TTC28: variants seen among roughly 807,000 people sequenced by gnomAD.
The protein encoded by TTC28 is tetratricopeptide repeat domain 28, also known as tetratricopeptide repeat protein 28.
In TTC28, 61 loss-of-function variants were observed where a neutral mutation model predicts 198.0. That is an observed-to-expected ratio of 0.31 (90% confidence interval 0.25 to 0.38). The LOEUF is 0.38. Among genes scored for constraint, TTC28 ranks in the 10% least tolerant of loss-of-function variants. The pLI, the probability that TTC28 is intolerant of heterozygous loss-of-function variation, is 1.00. For synonymous variants in TTC28, 1,171 were observed against 1,297.8 expected (o/e 0.90, Z 2.10); for missense variants, 2,678 against 3,164.0 (o/e 0.85, Z 3.69).
intron 1 of TTC28, among the ~76,000 whole-genome samples, chr22:28,659,974 T>C (rs891077885): frequency 1.3e-5 from 2 of 151,726 alleles, no homozygotes; most frequent in Admixed American, 6.6e-5. Flanking sequence ...AATTTTTGTA[T>C]TTTGGAGATG....
intron 2 of TTC28, among the ~76,000 whole-genome samples, chr22:28,347,425 G>T (rs746612610): frequency 1.3e-5 from 2 of 152,152 alleles, no homozygotes; most frequent in Non-Finnish European, 2.9e-5. Flanking sequence ...TTTGTTGATA[G>T]ATTTTCATCA....
intron 12 of TTC28, among the ~76,000 whole-genome samples, chr22:28,058,930 G>T (rs1280059285): frequency 9.9e-5 from 15 of 151,930 alleles, no homozygotes; most frequent in Admixed American, 9.8e-4. Context: ...ATGTCCATAA[G>T]ATCTGAAGCA....
intron 5 of TTC28, among the ~76,000 whole-genome samples, chr22:28,289,870 A>G (rs1359445576): frequency 2.0e-5 from 3 of 152,130 alleles, no homozygotes; most frequent in Admixed American, 2.0e-4. Flanking sequence ...TACTAAAAAT[A>G]AAAATTAGCT....
chr22:28,524,625 A>G (rs76772994), intron 2 of TTC28, among the ~76,000 whole-genome samples: 2,948 of 152,288 alleles, frequency 0.019, 29 homozygotes, highest in Non-Finnish European at 0.026. Context: ...AAAATACAAA[A>G]AAAGTATTTA....
At chr22:28,327,881 T>A (rs1301594032) in intron 2 of TTC28, among the ~76,000 whole-genome samples, 2 of 152,190 alleles carry the variant, frequency 1.3e-5, no homozygotes, top group Non-Finnish European at 2.9e-5. Context: ...TTACCAACAC[T>A]CTTCCAGGTG....
At position 28,085,441 on chromosome 22, in the gene TTC28, C is replaced by T. The variant is rs868657416; in HGVS notation, c.3932+8639G>A. On this transcript the variant is annotated intron_variant, in intron 12 of 22. Coordinates refer to ENST00000397906, the MANE Select transcript of TTC28 (RefSeq NM_001145418.2). ...TCATAAGTGAAGGAGAAATAAAATC[C>T]TTTACAGACAAGCAAATGCTGACAG... Among the ~76,000 whole-genome samples, 3 of 152,196 alleles carry T rather than the reference C, an allele frequency of 2.0e-5. No homozygotes were observed. The Middle Eastern group carries it at 0.01, about 518-fold the overall frequency.
At chr22:28,070,101 T>C (rs1940911425) in intron 12 of TTC28, among the ~76,000 whole-genome samples, 1 of 152,166 alleles carries the variant, frequency 6.6e-6, no homozygotes, top group Non-Finnish European at 1.5e-5. Context: ...ACGTCTAAGC[T>C]TCAGCTTTAA....
intron 2 of TTC28, among the ~76,000 whole-genome samples, chr22:28,315,569 A>G (rs2045338380): frequency 6.6e-6 from 1 of 152,164 alleles, no homozygotes; most frequent in African/African-American, 2.4e-5. Flanking sequence ...AAGGTGCAAA[A>G]CAGTGTTTTA....
chr22:28,151,938 T>C (rs1015082861), intron 6 of TTC28, among the ~76,000 whole-genome samples: 11 of 152,220 alleles, frequency 7.2e-5, no homozygotes, highest in African/African-American at 2.7e-4. Flanking sequence ...ACAGTTTGTG[T>C]AGTCTTGTCT....
chr22:28,384,779 T>A (rs2146035538), intron 2 of TTC28, among the ~76,000 whole-genome samples: 1 of 152,304 alleles, frequency 6.6e-6, no homozygotes, highest in East Asian at 1.9e-4. Flanking sequence ...AACGGACTTA[T>A]CACTGCACTT....
intron 2 of TTC28, among the ~76,000 whole-genome samples, chr22:28,479,213 A>G (rs1195684001): frequency 1.3e-5 from 2 of 152,210 alleles, no homozygotes; most frequent in African/African-American, 2.4e-5. Context: ...GAGGTACTCA[A>G]TGCAGAGTAG....
chr22:28,671,698 CAG>C (rs2051890674), intron 1 of TTC28, among the ~76,000 whole-genome samples: 2 of 143,062 alleles, frequency 1.4e-5, no homozygotes, highest in African/African-American at 2.6e-5. Context: ...TTTTTTGAGA[CAG>C]AGTCTTGCTT....
chr22:28,072,630 C>G (rs926076597), intron 12 of TTC28, among the ~76,000 whole-genome samples: 8 of 152,254 alleles, frequency 5.3e-5, no homozygotes, highest in Admixed American at 1.3e-4. Flanking sequence ...GCTCTTACCC[C>G]CCTGTGTAAG....
At chr22:28,386,170 G>A (rs1279299186) in intron 2 of TTC28, among the ~76,000 whole-genome samples, 2 of 147,946 alleles carry the variant, frequency 1.4e-5, no homozygotes, top group Non-Finnish European at 3.0e-5. Flanking sequence ...AGCTACTTGG[G>A]AGGCTGAGGC....
At chr22:28,254,696 T>C (rs1930763581) in intron 5 of TTC28, among the ~76,000 whole-genome samples, 1 of 152,116 alleles carries the variant, frequency 6.6e-6, no homozygotes, top group Non-Finnish European at 1.5e-5. Context: ...TTAAAATCCC[T>C]AGGTGCTAGA....
chr22:28,548,592 C>A (rs1447558284), intron 2 of TTC28, among the ~76,000 whole-genome samples: 1 of 152,212 alleles, frequency 6.6e-6, no homozygotes, highest in Non-Finnish European at 1.5e-5. Flanking sequence ...ACCATCTGAG[C>A]AAATAGCCGA....
intron 2 of TTC28, among the ~76,000 whole-genome samples, chr22:28,520,870 T>C (rs1256366140): frequency 6.6e-6 from 1 of 151,932 alleles, no homozygotes; most frequent in Non-Finnish European, 1.5e-5. Context: ...CTGGCCAACA[T>C]GGTAAAACCC....
rs181558410 is a variant in TTC28 at position 28,598,973 on chromosome 22, C to T, written c.381+30579G>A. On this transcript the variant is annotated intron_variant, in intron 2 of 22. Coordinates refer to ENST00000397906, the MANE Select transcript of TTC28 (RefSeq NM_001145418.2). ...TGAAATGCTTGTTCAAAGAAAATTACAAGAGCACAAGCACAGGCAAGATTC... is the reference window on the plus strand; with the variant it reads ...TGAAATGCTTGTTCAAAGAAAATTATAAGAGCACAAGCACAGGCAAGATTC... 6.6e-5 allele frequency among the ~76,000 whole-genome samples: 10 copies of T among 152,208 alleles called. No homozygotes were observed. In the East Asian group the frequency reaches 1.7e-3, roughly 26 times the overall value.
intron 2 of TTC28, among the ~76,000 whole-genome samples, chr22:28,341,755 A>C (rs887259782): frequency 6.6e-6 from 1 of 152,126 alleles, no homozygotes; most frequent in Non-Finnish European, 1.5e-5. Flanking sequence ...GTGCCACTGC[A>C]CTCCAGCCTG....
Sources: gnomAD v4.1 joint callset for allele counts (sites outside exome capture counted in the v4.1 genomes callset) on GRCh38, gnomAD v4.1.1 for gene constraint, MANE v1.5 for transcripts, NCBI Gene and HGNC (gene_info 2026-07-23, HGNC 2026-07-21) for gene names.